SPATA7: variants seen among roughly 807,000 people sequenced by gnomAD.
SPATA7 encodes spermatogenesis associated 7, also known as spermatogenesis-associated protein 7.
A neutral mutation model predicts 51.8 loss-of-function variants in SPATA7; 43 were observed. That is an observed-to-expected ratio of 0.83 (90% CI 0.65 to 1.07). SPATA7 has a LOEUF of 1.07. Ranked by LOEUF, SPATA7 falls within the 50% of genes least tolerant of loss-of-function variation. The probability of loss-of-function intolerance (pLI) is 0.00; values close to 1 mark genes in which losing one functional copy is unlikely to be tolerated. For missense variants in SPATA7, 683 were observed against 701.3 expected (o/e 0.97, Z 0.30); for synonymous variants, 230 against 252.8 (o/e 0.91, Z 0.86).
chr14:88,401,058 A>G (rs1277345208), intron 4 of SPATA7, among the ~76,000 whole-genome samples: 4 of 152,224 alleles, frequency 2.6e-5, no homozygotes, highest in Non-Finnish European at 4.4e-5. Flanking sequence ...AGAAAGCTAC[A>G]GGCCAATATA....
intron 5 of SPATA7, among the ~76,000 whole-genome samples, chr14:88,422,057 G>C (rs564984643): frequency 6.6e-4 from 101 of 152,290 alleles, no homozygotes; most frequent in African/African-American, 2.4e-3. Context: ...GCAACTGGGA[G>C]AATAGTAATA....
At chr14:88,399,067 GAAAA>G (rs1024756314) in intron 4 of SPATA7, among the ~76,000 whole-genome samples, 2 of 147,908 alleles carry the variant, frequency 1.4e-5, no homozygotes, top group African/African-American at 2.5e-5. Flanking sequence ...AAAAAAAAAA[GAAAA>G]AAAAGTAAAT....
intron 3 of SPATA7, among the ~76,000 whole-genome samples, chr14:88,452,936 A>G (rs1051911647): frequency 2.0e-5 from 3 of 152,180 alleles, no homozygotes; most frequent in South Asian, 4.1e-4. Flanking sequence ...CTCTCCATGT[A>G]TCTGCTCAGG....
intron 9 of SPATA7, among the ~76,000 whole-genome samples, 168 bp downstream of exon 9, chr14:88,431,393 G>A (rs537392305): frequency 1.3e-5 from 2 of 152,220 alleles, no homozygotes; most frequent in South Asian, 2.1e-4. Context: ...TACATATACT[G>A]TACAGTGATT....
downstream of SPATA7, among the ~76,000 whole-genome samples, chr14:88,441,037 C>T (rs540183854): frequency 1.3e-5 from 2 of 152,230 alleles, no homozygotes; most frequent in South Asian, 4.2e-4. Flanking sequence ...CCTTTGCATC[C>T]TCATAGCTTA....
intron 4 of SPATA7, among the ~76,000 whole-genome samples, chr14:88,399,097 A>G (rs73321830): frequency 0.035 from 5,366 of 152,264 alleles, 312 homozygotes; most frequent in African/African-American, 0.12. Flanking sequence ...CCTAAGGTTA[A>G]TTCATGCTAA....
At position 88,394,715 on chromosome 14, in the gene SPATA7, AT is replaced by A. The variant is rs2075835691; in HGVS notation, c.190+1231del. Among the ~76,000 whole-genome samples, 4 of 152,268 alleles carry A rather than the reference AT, an allele frequency of 2.6e-5. No homozygotes were observed. In the South Asian group the frequency reaches 8.3e-4, roughly 32 times the overall value. The stretch of plus-strand genomic sequence containing the variant: ...AGGTAATATATTAAGTATAAGTTTA[AT>A]TTTATAAGAAACTACAGTTTTCCAG... On this transcript the variant is annotated intron_variant, in intron 3 of 11. Coordinates refer to ENST00000393545, the MANE Select transcript of SPATA7 (RefSeq NM_018418.5).
chr14:88,467,450 T>G (rs2077382017), intron 4 of SPATA7: 1 of 152,094 alleles, frequency 6.6e-6, no homozygotes, highest in Non-Finnish European at 1.5e-5. Flanking sequence ...TTTCAGTATC[T>G]AAATGAATTG....
chr14:88,411,456 A>G (rs181345128), intron 4 of SPATA7, among the ~76,000 whole-genome samples: 89 of 152,224 alleles, frequency 5.8e-4, no homozygotes, highest in African/African-American at 2.1e-3. Flanking sequence ...GTCTGCCCAA[A>G]CAGCCACCCA....
chr14:88,456,752 G>T (rs879161222), downstream of SPATA7, among the ~76,000 whole-genome samples: 1 of 152,024 alleles, frequency 6.6e-6, no homozygotes, highest in East Asian at 1.9e-4. Flanking sequence ...GTCAATTTTG[G>T]CTTTTGTTGC....
rs768641655 is a variant in SPATA7 at position 88,385,785 on chromosome 14, GC to G, written c.-33del. ...CGCGGGAAGGACCGAAGGGGATACA[GC>G]GTGTCCCTGCGGCGGCTGCAAGAGG... On this transcript the variant is annotated 5_prime_UTR_variant, in exon 1 of 12. Transcript: ENST00000393545. The G allele has an allele frequency of 6.3e-7, 1 of 1,589,872 alleles. No individual in the cohort carries two copies.
In SPATA7 at chr14:88,385,793, C is replaced by A; in HGVS notation, c.-26C>A. On this transcript the variant is annotated 5_prime_UTR_variant, in exon 1 of 12. In the 5' UTR this introduces an upstream ATG that the reference lacks. Transcript: ENST00000393545. ...GGACCGAAGGGGATACAGCGTGTCC[C>A]TGCGGCGGCTGCAAGAGGACTAAGC... is the stretch of plus-strand genomic sequence containing the variant. The A allele has an allele frequency of 6.2e-6, 10 of 1,601,602 alleles. No individual in the cohort carries two copies. Among genetic ancestry groups the A allele is most frequent in the Non-Finnish European group, 8.5e-6 (10 of 1,173,872 alleles).
At chr14:88,394,236 T>A (rs554490613) in intron 3 of SPATA7, among the ~76,000 whole-genome samples, 1 of 152,134 alleles carries the variant, frequency 6.6e-6, no homozygotes, top group Non-Finnish European at 1.5e-5. Flanking sequence ...ATTTGCTACC[T>A]GGCCCTTTGT....
chr14:88,470,144 T>A (rs1447804651), exon 5 of SPATA7: 16 of 1,222,262 alleles, frequency 1.3e-5, no homozygotes, highest in Non-Finnish European at 1.8e-5. Context: ...AAAGTTTTTT[T>A]AAAAAAGTAA....
At position 88,438,365 on chromosome 14, in the gene SPATA7, G is replaced by A. The variant is rs779847608; in HGVS notation, c.1743G>A (p.Glu581=). Residue 581 remains glutamate (E), a synonymous_variant, in exon 12 of 12, where the codon GAG becomes GAA. Transcript: ENST00000393545. ...AAGGCGACAATAATCATGACATGGAGTTATCAACTCTTAAAATCATGGAAA... is the reference window on the plus strand; with the variant it reads ...AAGGCGACAATAATCATGACATGGAATTATCAACTCTTAAAATCATGGAAA... ...SVKGDNNHDM[E]LSTLKIMEMS... The A allele has an allele frequency of 6.2e-7, 1 of 1,614,088 alleles. No individual in the cohort carries two copies. The highest frequency in any genetic ancestry group is 2.2e-5 in the East Asian group (1 of 44,862).
chr14:88,401,983 C>A (rs2076074645), intron 4 of SPATA7, among the ~76,000 whole-genome samples: 1 of 150,640 alleles, frequency 6.6e-6, no homozygotes, highest in South Asian at 2.1e-4. Flanking sequence ...TGTACAAAAA[C>A]CAGTGGCATT....
In SPATA7 at chr14:88,426,552, A is replaced by G. The variant is rs778293988; in HGVS notation, c.693A>G (p.Glu231=). 9.3e-6 allele frequency: 15 copies of G among 1,613,996 alleles called. No homozygotes were observed. The highest frequency in any genetic ancestry group is 1.3e-5 in the Non-Finnish European group (15 of 1,180,014). ...PSGDLLDKHS[E]LFSNKQLPFT... ...GGGATCTTTTGGATAAACATTCTGAACTCTTTTCTAACAAACAATTGCCAT... is the reference window on the plus strand; with the variant it reads ...GGGATCTTTTGGATAAACATTCTGAGCTCTTTTCTAACAAACAATTGCCAT... Residue 231 remains glutamate (E), a synonymous_variant, in exon 6 of 12, where the codon GAA becomes GAG. Transcript: ENST00000393545.
intron 4 of SPATA7, chr14:88,468,812 A>C: frequency 7.0e-7 from 1 of 1,437,610 alleles, no homozygotes; most frequent in Non-Finnish European, 9.7e-7. Flanking sequence ...AGGCCACCAC[A>C]GTCCAAGGAA....
intron 3 of SPATA7, among the ~76,000 whole-genome samples, chr14:88,443,638 A>G (rs1217201025): frequency 3.4e-5 from 3 of 88,106 alleles, no homozygotes; most frequent in Non-Finnish European, 7.2e-5. Context: ...CCCCGACCCC[A>G]CGACCCCACA....
Sources: allele counts gnomAD v4.1 joint callset (sites outside exome capture counted in the v4.1 genomes callset), GRCh38; gene constraint gnomAD v4.1.1; transcripts MANE v1.5; gene names NCBI Gene and HGNC (gene_info 2026-07-23, HGNC 2026-07-21).